Variants in WDR11 observed in about 807,000 individuals in gnomAD.
WDR11 encodes WD repeat domain 11, also known as WD repeat-containing protein 11.
Under a neutral mutation model 151.2 loss-of-function variants are expected in WDR11, and 83 were observed. The observed-to-expected ratio is 0.55, with a 90% confidence interval of 0.46 to 0.66. The LOEUF is 0.66. Ranked by LOEUF, WDR11 falls within the 30% of genes least tolerant of loss-of-function variation. The probability of loss-of-function intolerance (pLI) is 0.00; values close to 1 mark genes in which losing one functional copy is unlikely to be tolerated. For missense variants in WDR11, 1,301 were observed against 1,480.9 expected, an observed-to-expected ratio of 0.88 and a Z score of 1.99; for synonymous variants, 484 against 533.1, an observed-to-expected ratio of 0.91 and a Z score of 1.27.
In WDR11 at chr10:120,909,258, T is replaced by G. The variant is rs899804937; in HGVS notation, c.*545T>G. On this transcript the variant is annotated 3_prime_UTR_variant, in exon 29 of 29. Coordinates refer to ENST00000263461, the MANE Select transcript of WDR11 (RefSeq NM_018117.12). ...ACCGTTAATTCCTTGGTTTAAGCAG[T>G]TGCTAAGTTTTGTAATTTTAGGCTC... The G allele has an allele frequency of 6.4e-6, 1 of 155,892 alleles. No individual in the cohort carries two copies. Among genetic ancestry groups the G allele is most frequent in the African/African-American group, 2.4e-5 (1 of 41,372 alleles). The allele number at this position is 155,892 out of a possible 1,614,324, so 9.7% of individuals were successfully genotyped here. A position where few individuals can be genotyped will look rare whatever the true frequency, so the allele number is the denominator to read the frequency against.
chr10:120,861,377 CAT>C (rs1846135345), intron 4 of WDR11, among the ~76,000 whole-genome samples: 1 of 152,174 alleles, frequency 6.6e-6, no homozygotes, highest in Admixed American at 6.5e-5. Flanking sequence ...CGTGTGCATA[CAT>C]ACACTCACTT....
At position 120,904,101 on chromosome 10, in the gene WDR11, C is replaced by A. The variant is rs1355939095; in HGVS notation, c.2986C>A (p.His996Asn). 9 of 1,613,406 alleles carry A rather than the reference C, an allele frequency of 5.6e-6. No homozygotes were observed. The highest frequency in any genetic ancestry group is 1.6e-4 in the Middle Eastern group (1 of 6,080). ...LQEVKRSTYD[H>N]TRKCTDQLLL... Reference sequence around the variant, plus strand: ...GGAAGTGAAACGGTCAACTTATGATCATACAAGGAAATGTACAGACCAGCT... The same window carrying A: ...GGAAGTGAAACGGTCAACTTATGATAATACAAGGAAATGTACAGACCAGCT... The change falls in exon 24 of 29, where the codon CAT (histidine) becomes AAT (asparagine). Residue 996 changes from histidine (H) to asparagine (N), a missense_variant. His to Asn is a moderately conservative substitution (Grantham distance 68, BLOSUM62 1). Transcript: ENST00000263461.
At chr10:120,902,368 T>C (rs1474621844) in intron 22 of WDR11, 46 bp downstream of exon 22, 12 of 1,544,266 alleles carry the variant, frequency 7.8e-6, no homozygotes, top group Non-Finnish European at 1.1e-5. Context: ...GATTTCAAGT[T>C]AACTCATTTC....
At chr10:120,863,929 C>G (rs1846223462) in intron 5 of WDR11, among the ~76,000 whole-genome samples, 1 of 152,086 alleles carries the variant, frequency 6.6e-6, no homozygotes, top group African/African-American at 2.4e-5. Flanking sequence ...CTTAAGAGAA[C>G]TTTCTATTTT....
At chr10:120,880,789 G>T (rs1334374416) in intron 12 of WDR11, 37 bp from the exon 13 acceptor site, 3 of 1,541,730 alleles carry the variant, frequency 1.9e-6, no homozygotes, top group Admixed American at 3.6e-5. Context: ...CATGTTTTAT[G>T]CACTGTTCTC....
intron 19 of WDR11, among the ~76,000 whole-genome samples, chr10:120,894,731 A>C (rs955599444): frequency 6.6e-6 from 1 of 152,164 alleles, no homozygotes; most frequent in South Asian, 2.1e-4. Flanking sequence ...CATACCTCAC[A>C]TAACTTTAGC....
intron 16 of WDR11, among the ~76,000 whole-genome samples, chr10:120,888,207 A>G (rs769939088): frequency 5.3e-5 from 8 of 152,254 alleles, no homozygotes; most frequent in South Asian, 2.1e-4. Flanking sequence ...TGTATTGACT[A>G]TTTACTGCAT....
chr10:120,856,115 G>A (rs535871297), intron 2 of WDR11: 92 of 152,198 alleles, frequency 6.0e-4, no homozygotes, highest in African/African-American at 2.1e-3. Context: ...TATTCCCATC[G>A]ACTGAAGAAT....
At chr10:120,886,345 A>AT (rs1220116723) in intron 15 of WDR11, among the ~76,000 whole-genome samples, 4 of 152,170 alleles carry the variant, frequency 2.6e-5, no homozygotes, top group African/African-American at 9.7e-5. Flanking sequence ...ATCCATACCA[A>AT]TCTTACAGAT....
chr10:120,851,702 C>G lies in WDR11; in HGVS notation c.86+196C>G, dbSNP rs1845780510. 66 of 648,998 alleles carry G rather than the reference C, an allele frequency of 1.0e-4. 1 individual carries two copies. The South Asian group carries it at 1.2e-3, about 12-fold the overall frequency. 40.2% of individuals were successfully genotyped at this position (648,998 alleles called of 1,614,324 possible). A position where few individuals can be genotyped will look rare whatever the true frequency, so the allele number is the denominator to read the frequency against. On this transcript the variant is annotated intron_variant, in intron 1 of 28. Transcript: ENST00000263461. ...ATAATAGCCCCGTGTGGGAAATTCC[C>G]CCATGCAAATACATTTCCCCTCTTT...
In WDR11 at chr10:120,874,187, T is replaced by TG. The variant is rs200028210; in HGVS notation, c.1556+264_1556+265insG. 0.073 allele frequency among the ~76,000 whole-genome samples: 4,306 copies of TG among 59,332 alleles called. 126 individuals carry two copies. Among genetic ancestry groups the TG allele is most frequent in the Non-Finnish European group, 0.084 (2,190 of 26,054 alleles). 38.9% of individuals were successfully genotyped at this position (59,332 alleles called of 152,430 possible). On this transcript the variant is annotated intron_variant, in intron 11 of 28. Coordinates refer to ENST00000263461, the MANE Select transcript of WDR11 (RefSeq NM_018117.12). ...TTGCGGTTTTTGCAGTTTTTTTTTT[T>TG]TTTTTGTTGTTGTTGTTGTTGTTTG...
At chr10:120,862,638 A>T in intron 4 of WDR11, 97 bp from the exon 5 acceptor site, 1 of 1,255,628 alleles carries the variant, frequency 8.0e-7, no homozygotes, top group Non-Finnish European at 1.2e-6. Context: ...ATATATTATT[A>T]AAATTATCAC....
chr10:120,894,624 G>C (rs1363929083), intron 19 of WDR11, among the ~76,000 whole-genome samples: 1 of 152,116 alleles, frequency 6.6e-6, no homozygotes, highest in Non-Finnish European at 1.5e-5. Flanking sequence ...AGTGGTGGAG[G>C]AATAACTTTT....
chr10:120,852,414 T>G, intron 1 of WDR11, 110 bp from the exon 2 acceptor site: 1 of 878,742 alleles, frequency 1.1e-6, no homozygotes, highest in Non-Finnish European at 1.9e-6. Flanking sequence ...TTAAATGATT[T>G]TATTAATGGT....
chr10:120,896,638 T>G (rs1247320258), intron 19 of WDR11, among the ~76,000 whole-genome samples: 1 of 152,194 alleles, frequency 6.6e-6, no homozygotes, highest in Non-Finnish European at 1.5e-5. Context: ...AATGTTGAAC[T>G]TTACCGGGGT....
rs1003720364 is a variant in WDR11, at chr10:120,851,722, C to T, written c.86+216C>T. The stretch of plus-strand genomic sequence containing the variant: ...ATTCCCCCATGCAAATACATTTCCC[C>T]TCTTTCTCGCGTATTTCTCTGCTGT... On this transcript the variant is annotated intron_variant, in intron 1 of 28. Coordinates refer to ENST00000263461, the MANE Select transcript of WDR11 (RefSeq NM_018117.12). 44 of 616,682 alleles carry T rather than the reference C, an allele frequency of 7.1e-5. No individual in the cohort carries two copies. The Middle Eastern group carries it at 1.3e-3, about 19-fold the overall frequency. The allele number at this position is 616,682 out of a possible 1,614,324, so 38.2% of individuals were successfully genotyped here.
Position 120,883,839 on chromosome 10 carries a change from G to A in WDR11, c.1799G>A (p.Cys600Tyr). 1 of 1,613,470 alleles carries A rather than the reference G, an allele frequency of 6.2e-7. No homozygotes were observed. The highest frequency in any genetic ancestry group is 8.5e-7 in the Non-Finnish European group (1 of 1,179,596). ...KPLELWDVRT[C>Y]TLLREMSKNF... is the part of the protein sequence containing the mutation. ...CTGGAGCTATGGGATGTTAGGACTT[G>A]TACCCTTCTTAGAGAGATGTCCAAA... The change falls in exon 14 of 29, where the codon TGT becomes TAT. Residue 600 changes from cysteine (C) to tyrosine (Y), a missense_variant. This residue lies in a region of WDR11 where 692 missense variants were observed against 762.5 expected (regional missense o/e 0.91). Coordinates refer to ENST00000263461, the MANE Select transcript of WDR11 (RefSeq NM_018117.12).
Position 120,853,005 on chromosome 10 carries a change from G to T in WDR11, c.198+370G>T, listed in dbSNP as rs3816174. Among the ~76,000 whole-genome samples the T allele has an allele frequency of 2.1e-4, 32 of 152,288 alleles. 2 individuals are homozygous for T. The East Asian group carries it at 6.2e-3, about 30-fold the overall frequency. On this transcript the variant is annotated intron_variant, in intron 2 of 28. Coordinates refer to ENST00000263461, the MANE Select transcript of WDR11 (RefSeq NM_018117.12). Reference sequence around the variant, plus strand: ...GTGATAAGTGAGACTTGCGTAACACGCTGTGAGAAAACAGAGGAGCTGCAT... The same window carrying T: ...GTGATAAGTGAGACTTGCGTAACACTCTGTGAGAAAACAGAGGAGCTGCAT...
At position 120,905,314 on chromosome 10, in the gene WDR11, T is replaced by A; in HGVS notation, c.3194-5T>A. 1 of 1,613,952 alleles carries A rather than the reference T, an allele frequency of 6.2e-7. No individual in the cohort carries two copies. The highest frequency in any genetic ancestry group is 2.2e-5 in the East Asian group (1 of 44,880). On this transcript the variant is annotated splice_region_variant and splice_polypyrimidine_tract_variant and intron_variant, in intron 25 of 28. Coordinates refer to ENST00000263461, the MANE Select transcript of WDR11 (RefSeq NM_018117.12). Reference sequence around the variant, plus strand: ...CACTTAAGGGGATGCGCTTTTGTCTTTCAGAGGGCGTTCAGTTGCTCTGCC... The same window carrying A: ...CACTTAAGGGGATGCGCTTTTGTCTATCAGAGGGCGTTCAGTTGCTCTGCC...
Sources: gnomAD v4.1 joint callset for allele counts (sites outside exome capture counted in the v4.1 genomes callset) on GRCh38, gnomAD v4.1.1 for gene constraint, gnomAD v4.1.1 regional missense constraint, MANE v1.5 for transcripts, NCBI Gene and HGNC (gene_info 2026-07-23, HGNC 2026-07-21) for gene names.